The following PLEKHG7 variants were observed in gnomAD, a reference collection of about 807,000 sequenced individuals.
PLEKHG7 encodes the protein pleckstrin homology and RhoGEF domain containing G7, also known as pleckstrin homology domain-containing family G member 7.
Under a neutral mutation model 85.2 loss-of-function variants are expected in PLEKHG7, and 77 were observed. The observed-to-expected ratio is 0.90, with a 90% CI of 0.75 to 1.09. The LOEUF (loss-of-function observed/expected upper bound fraction) is 1.09. PLEKHG7 is among the 50% of genes least tolerant of loss of function. The pLI, the probability that PLEKHG7 is intolerant of heterozygous loss-of-function variation, is 0.00. For missense variants in PLEKHG7, 777 were observed against 804.3 expected (o/e 0.97, Z 0.41); for synonymous variants, 301 against 302.4 (o/e 1.00, Z 0.05).
At chr12:92,757,272 C>T (rs1454746596) in intron 13 of PLEKHG7, among the ~76,000 whole-genome samples, 2 of 152,222 alleles carry the variant, frequency 1.3e-5, no homozygotes, top group African/African-American at 2.4e-5. Flanking sequence ...ACACAAATTT[C>T]ATGCCCAATA....
At chr12:92,727,991 C>T (rs1449012361) in intron 3 of PLEKHG7, among the ~76,000 whole-genome samples, 1 of 145,190 alleles carries the variant, frequency 6.9e-6, no homozygotes, top group Non-Finnish European at 1.5e-5. Context: ...TATATACACA[C>T]ACCACATTCC....
chr12:92,766,539 C>A (rs1471830171), intron 15 of PLEKHG7, among the ~76,000 whole-genome samples: 1 of 151,436 alleles, frequency 6.6e-6, no homozygotes, highest in East Asian at 1.9e-4. Flanking sequence ...ATTAAAAGAT[C>A]TTTTTAAAAA....
chr12:92,766,563 A>C (rs1252603548), intron 15 of PLEKHG7, among the ~76,000 whole-genome samples: 1 of 152,066 alleles, frequency 6.6e-6, no homozygotes, highest in Non-Finnish European at 1.5e-5. Context: ...GCTTCTGGGA[A>C]CATGCACAGT....
intron 10 of PLEKHG7, among the ~76,000 whole-genome samples, chr12:92,747,825 T>C (rs774159856): frequency 2.0e-5 from 3 of 152,180 alleles, no homozygotes; most frequent in Non-Finnish European, 4.4e-5. Flanking sequence ...TTCTCACTTG[T>C]ATGTGGGAGC....
chr12:92,745,771 T>A (rs1872519270), intron 10 of PLEKHG7, among the ~76,000 whole-genome samples, 180 bp downstream of exon 10: 1 of 152,200 alleles, frequency 6.6e-6, no homozygotes, highest in African/African-American at 2.4e-5. Context: ...TTAGGAATAT[T>A]AAATGGTGCA....
chr12:92,750,538 T>TGTTCCCCACAGCA (rs1214676626), intron 10 of PLEKHG7, among the ~76,000 whole-genome samples: 1 of 152,200 alleles, frequency 6.6e-6, no homozygotes, highest in East Asian at 1.9e-4. Flanking sequence ...CAGCCACAGC[T>TGTTCCCCACAGCA]GTTCCCCACA....
chr12:92,714,811 A>G (rs1017079519), intron 3 of PLEKHG7, among the ~76,000 whole-genome samples: 1 of 152,214 alleles, frequency 6.6e-6, no homozygotes, highest in Admixed American at 6.5e-5. Flanking sequence ...TAACTCTCCA[A>G]ACGGTTCACA....
At position 92,746,595 on chromosome 12, in the gene PLEKHG7, A is replaced by C. The variant is rs116693924; in HGVS notation, c.1251+1004A>C. ...AAATGTTTCCCCTAGAAGCTGATGGATTACACTCTTAGCTAGGCCCCCAAA... is the reference window on the plus strand; with the variant it reads ...AAATGTTTCCCCTAGAAGCTGATGGCTTACACTCTTAGCTAGGCCCCCAAA... On this transcript the variant is annotated intron_variant, in intron 10 of 16. Coordinates refer to ENST00000344636, the MANE Select transcript of PLEKHG7 (RefSeq NM_001377329.1). Among the ~76,000 whole-genome samples, 485 of 152,326 alleles carry C rather than the reference A, an allele frequency of 3.2e-3. 4 individuals are homozygous for C. Among genetic ancestry groups the C allele is most frequent in the African/African-American group, 0.011 (465 of 41,558 alleles).
rs559797421 is a variant in PLEKHG7 at position 92,722,034 on chromosome 12, G to T, written c.531-6959G>T. Among the ~76,000 whole-genome samples the T allele has an allele frequency of 2.6e-5, 4 of 151,566 alleles. No homozygotes were observed. In the East Asian group the frequency reaches 7.7e-4, roughly 29 times the overall value. On this transcript the variant is annotated intron_variant, in intron 3 of 16. Coordinates refer to ENST00000344636, the MANE Select transcript of PLEKHG7 (RefSeq NM_001377329.1). ...TCCAGTGGATGGTCAATCCAGAATT[G>T]GAGACAATCCTGCATGAATGCCACA...
At chr12:92,751,577 T>C (rs182028939) in intron 10 of PLEKHG7, among the ~76,000 whole-genome samples, 100 of 151,880 alleles carry the variant, frequency 6.6e-4, no homozygotes, top group African/African-American at 1.6e-3. Context: ...TTTCACCATG[T>C]TGGCCAGGCT....
At chr12:92,711,441 A>G (rs946524679) in intron 3 of PLEKHG7, among the ~76,000 whole-genome samples, 6 of 152,108 alleles carry the variant, frequency 3.9e-5, no homozygotes, top group African/African-American at 7.2e-5. Context: ...CTTGAGCCCA[A>G]TCACATATAT....
chr12:92,725,649 T>G (rs1219059221), intron 3 of PLEKHG7, among the ~76,000 whole-genome samples: 1 of 152,192 alleles, frequency 6.6e-6, no homozygotes, highest in African/African-American at 2.4e-5. Flanking sequence ...GTGTCTACAC[T>G]CTGTATCTGA....
Position 92,768,297 on chromosome 12 carries a change from G to A in PLEKHG7, c.1871-686G>A, listed in dbSNP as rs574355705. ...CAAAGAAGAGACTTTCATTTTAAGC[G>A]CTCCTGCTATATTAGAAAAAGAAGT... On this transcript the variant is annotated intron_variant, in intron 15 of 16. Coordinates refer to ENST00000344636, the MANE Select transcript of PLEKHG7 (RefSeq NM_001377329.1). Among the ~76,000 whole-genome samples, 155 of 152,084 alleles carry A rather than the reference G, an allele frequency of 1.0e-3. 1 individual carries two copies. The highest frequency in any genetic ancestry group is 3.3e-3 in the African/African-American group (138 of 41,526).
At chr12:92,721,459 A>T in intron 3 of PLEKHG7, 2 of 1,231,166 alleles carry the variant, frequency 1.6e-6, no homozygotes, top group Non-Finnish European at 2.0e-6. Context: ...GGGAGACGAG[A>T]CTATTCCAGC....
chr12:92,728,895 C>T (rs1325070085), intron 3 of PLEKHG7, 98 bp from the exon 4 acceptor site: 8 of 995,410 alleles, frequency 8.0e-6, no homozygotes, highest in African/African-American at 3.4e-5. Flanking sequence ...TCCACAACCA[C>T]GCCAACATCT....
At chr12:92,723,501 T>C (rs1176427131) in intron 3 of PLEKHG7, among the ~76,000 whole-genome samples, 5 of 152,166 alleles carry the variant, frequency 3.3e-5, no homozygotes, top group Non-Finnish European at 5.9e-5. Context: ...AAAAAACACA[T>C]AAATAAAACA....
chr12:92,728,558 A>T (rs562238426), intron 3 of PLEKHG7, among the ~76,000 whole-genome samples: 1 of 143,110 alleles, frequency 7.0e-6, no homozygotes, highest in South Asian at 2.1e-4. Flanking sequence ...TATACACCAC[A>T]TTCCATGGTG....
At chr12:92,745,253 TC>T (rs761898491) in intron 9 of PLEKHG7, among the ~76,000 whole-genome samples, 4 of 152,234 alleles carry the variant, frequency 2.6e-5, no homozygotes, top group Non-Finnish European at 4.4e-5. Flanking sequence ...GACTATTTAT[TC>T]AGGTGTCAAC....
At chr12:92,709,860 T>C (rs987378865) in intron 3 of PLEKHG7, among the ~76,000 whole-genome samples, 1 of 152,120 alleles carries the variant, frequency 6.6e-6, no homozygotes, top group Non-Finnish European at 1.5e-5. Flanking sequence ...CTGGCCAACA[T>C]AGTGAAACCT....
Sources: gnomAD v4.1 joint callset for allele counts (sites outside exome capture counted in the v4.1 genomes callset) on GRCh38, gnomAD v4.1.1 for gene constraint, MANE v1.5 for transcripts, NCBI Gene and HGNC (gene_info 2026-07-23, HGNC 2026-07-21) for gene names.